The following PARD3 variants were observed in gnomAD, a reference collection of about 807,000 sequenced individuals.
The protein encoded by PARD3 is partitioning defective 3 homolog.
A neutral mutation model predicts 155.4 loss-of-function variants in PARD3; 75 were observed. That is an observed-to-expected ratio of 0.48 (90% CI 0.40 to 0.58). PARD3 has a LOEUF of 0.58. Ranked by LOEUF, PARD3 falls within the 20% of genes least tolerant of loss-of-function variation. The pLI, the probability that PARD3 is intolerant of heterozygous loss-of-function variation, is 0.00. For missense variants in PARD3, 1,642 were observed against 1,721.7 expected, an observed-to-expected ratio of 0.95 and a Z score of 0.82; for synonymous variants, 576 against 610.5, an observed-to-expected ratio of 0.94 and a Z score of 0.83.
At chr10:34,507,553 A>AAAAAAAAAAAAAAC (rs2133507834) in intron 3 of PARD3, among the ~76,000 whole-genome samples, 2 of 151,796 alleles carry the variant, frequency 1.3e-5, no homozygotes, top group African/African-American at 4.8e-5. Context: ...AAAAACAAAA[A>AAAAAAAAAAAAAAC]AAAAAAAACA....
chr10:34,384,084 T>C (rs1393675233), intron 8 of PARD3, 45 bp downstream of exon 8: 4 of 1,593,398 alleles, frequency 2.5e-6, no homozygotes, highest in African/African-American at 1.3e-5. Flanking sequence ...CACTCTGTCA[T>C]GCCTAATGCA....
intron 2 of PARD3, among the ~76,000 whole-genome samples, chr10:34,610,176 T>C (rs1395425137): frequency 6.6e-6 from 1 of 152,152 alleles, no homozygotes; most frequent in African/African-American, 2.4e-5. Flanking sequence ...TAATATTAAA[T>C]ATATCGGCTA....
At chr10:34,284,961 G>A (rs1238950355) in intron 20 of PARD3, among the ~76,000 whole-genome samples, 1 of 152,128 alleles carries the variant, frequency 6.6e-6, no homozygotes, top group African/African-American at 2.4e-5. Context: ...TGGGTGCTGA[G>A]CTCTTTAAGA....
chr10:34,251,925 G>A (rs1348616862), intron 22 of PARD3, among the ~76,000 whole-genome samples: 1 of 152,146 alleles, frequency 6.6e-6, no homozygotes, highest in East Asian at 1.9e-4. Flanking sequence ...GAATGTCTGT[G>A]TGGTAGAACT....
chr10:34,767,298 T>C (rs916122707), intron 1 of PARD3, among the ~76,000 whole-genome samples: 1 of 151,854 alleles, frequency 6.6e-6, no homozygotes, highest in African/African-American at 2.4e-5. Flanking sequence ...GATCACGAGA[T>C]AGAGAGGGAC....
At chr10:34,790,923 C>G (rs1230183128) in intron 1 of PARD3, among the ~76,000 whole-genome samples, 4 of 152,210 alleles carry the variant, frequency 2.6e-5, no homozygotes, top group African/African-American at 9.7e-5. Flanking sequence ...TCCATCCCAG[C>G]CTCCTACACG....
intron 2 of PARD3, among the ~76,000 whole-genome samples, chr10:34,578,029 GT>G (rs1375074660): frequency 6.8e-6 from 1 of 147,288 alleles, no homozygotes; most frequent in South Asian, 2.2e-4. Context: ...ATGCGGCTAT[GT>G]TTTTTTGTTT....
At chr10:34,448,252 G>C (rs1273303430) in intron 5 of PARD3, among the ~76,000 whole-genome samples, 1 of 151,262 alleles carries the variant, frequency 6.6e-6, no homozygotes, top group Non-Finnish European at 1.5e-5. Flanking sequence ...GAACCTAAAG[G>C]GCATTATGCT....
At chr10:34,767,767 A>G (rs59256412) in intron 1 of PARD3, among the ~76,000 whole-genome samples, 1 of 151,660 alleles carries the variant, frequency 6.6e-6, no homozygotes, top group Admixed American at 6.6e-5. Context: ...CTGGGCTAAT[A>G]TTTTTGTATT....
chr10:34,558,687 T>C lies in PARD3; in HGVS notation c.223-41528A>G, dbSNP rs1344816519. 6.6e-5 allele frequency among the ~76,000 whole-genome samples: 10 copies of C among 152,310 alleles called. No individual in the cohort carries two copies. The South Asian group carries it at 1.4e-3, about 22-fold the overall frequency. On this transcript the variant is annotated intron_variant, in intron 2 of 24. Transcript: ENST00000374788. ...GGCTCATGCCTCTAATCCCAGCACT[T>C]TGGGAGGCTGAGGTGGGCAGATCAC...
intron 3 of PARD3, among the ~76,000 whole-genome samples, chr10:34,500,252 A>T (rs571849424): frequency 2.4e-3 from 368 of 152,368 alleles, no homozygotes; most frequent in Non-Finnish European, 3.6e-3. Flanking sequence ...ATAAAACTAG[A>T]AAAGGGTGCT....
intron 2 of PARD3, among the ~76,000 whole-genome samples, chr10:34,641,213 CCGATAATGAA>C (rs1179597796): frequency 2.6e-5 from 4 of 152,164 alleles, no homozygotes; most frequent in African/African-American, 9.7e-5. Flanking sequence ...TAAAAGAACT[CCGATAATGAA>C]CTCTTACTTG....
At chr10:34,800,545 A>G (rs1429171023) in intron 1 of PARD3, among the ~76,000 whole-genome samples, 1 of 151,952 alleles carries the variant, frequency 6.6e-6, no homozygotes, top group Non-Finnish European at 1.5e-5. Context: ...CGGGAGGCAG[A>G]GCTTGCAGTG....
At chr10:34,705,453 A>G (rs1317913576) in intron 1 of PARD3, among the ~76,000 whole-genome samples, 5 of 150,482 alleles carry the variant, frequency 3.3e-5, no homozygotes. Flanking sequence ...ATACCACTGC[A>G]CTCCAGCCTG....
intron 5 of PARD3, among the ~76,000 whole-genome samples, chr10:34,447,805 A>AAAAAAAAAAAAAAG (rs71033314): frequency 4.3e-5 from 2 of 46,336 alleles, no homozygotes; most frequent in South Asian, 1.1e-3. Flanking sequence ...ACTCTGTCTC[A>AAAAAAAAAAAAAAG]AAAGAAAGAA....
chr10:34,623,373 G>A (rs2091805539), intron 2 of PARD3, among the ~76,000 whole-genome samples: 1 of 152,116 alleles, frequency 6.6e-6, no homozygotes. Flanking sequence ...ACACCAAAAT[G>A]GGAATTTTCT....
intron 5 of PARD3, among the ~76,000 whole-genome samples, chr10:34,438,550 C>A (rs550474822): frequency 1.3e-5 from 2 of 152,094 alleles, no homozygotes; most frequent in Admixed American, 6.5e-5. Context: ...AACAAAGATC[C>A]ACCCATAATA....
At chr10:34,646,508 TCA>T (rs1424675072) in intron 2 of PARD3, among the ~76,000 whole-genome samples, 8 of 152,182 alleles carry the variant, frequency 5.3e-5, no homozygotes, top group Non-Finnish European at 7.3e-5. Context: ...ACTTCATACC[TCA>T]GAGAGCATAA....
chr10:34,517,443 T>A (rs1420851318), intron 2 of PARD3, among the ~76,000 whole-genome samples: 1 of 152,108 alleles, frequency 6.6e-6, no homozygotes, highest in Non-Finnish European at 1.5e-5. Context: ...CAGATATAAA[T>A]CTTCTTAAAA....
Sources: allele counts gnomAD v4.1 joint callset (sites outside exome capture counted in the v4.1 genomes callset), GRCh38; gene constraint gnomAD v4.1.1; transcripts MANE v1.5; gene names NCBI Gene and HGNC (gene_info 2026-07-23, HGNC 2026-07-21).